Variants in SGCZ observed in about 807,000 individuals in gnomAD.
The protein encoded by SGCZ is zeta-sarcoglycan.
A neutral mutation model predicts 41.3 loss-of-function variants in SGCZ; 40 were observed. The ratio of observed to expected loss-of-function variants is 0.97; its 90% confidence interval spans 0.75 to 1.26. SGCZ has a LOEUF of 1.26. Ranked by LOEUF, SGCZ falls within the 50% of genes most tolerant of loss-of-function variation. The probability of loss-of-function intolerance (pLI) is 0.00; values close to 1 mark genes in which losing one functional copy is unlikely to be tolerated. For synonymous variants in SGCZ, 206 were observed against 137.5 expected (o/e 1.50, Z -3.49); for missense variants, 552 against 369.8 (o/e 1.49, Z -4.04).
At chr8:14,305,257 A>G (rs1167895942) in intron 3 of SGCZ, among the ~76,000 whole-genome samples, 7 of 152,180 alleles carry the variant, frequency 4.6e-5, no homozygotes, top group African/African-American at 1.7e-4. Flanking sequence ...AGGATGAACA[A>G]TGGTTAGCAT....
chr8:15,136,391 T>C (rs955519624), intron 1 of SGCZ, among the ~76,000 whole-genome samples: 6 of 151,864 alleles, frequency 4.0e-5, no homozygotes, highest in African/African-American at 1.5e-4. Flanking sequence ...TCCAGCATAC[T>C]TGATAAGAGG....
intron 1 of SGCZ, among the ~76,000 whole-genome samples, chr8:14,663,148 G>A (rs1242581245): frequency 6.6e-6 from 1 of 152,032 alleles, no homozygotes; most frequent in African/African-American, 2.4e-5. Flanking sequence ...ACAAATTCTT[G>A]AAGGAACAAT....
At chr8:14,942,793 C>G (rs1053077235) in intron 1 of SGCZ, among the ~76,000 whole-genome samples, 1 of 152,048 alleles carries the variant, frequency 6.6e-6, no homozygotes, top group African/African-American at 2.4e-5. Context: ...GCTTTGATAT[C>G]TATATACTGA....
chr8:15,031,466 T>C (rs1585491961), intron 1 of SGCZ, among the ~76,000 whole-genome samples: 1 of 152,224 alleles, frequency 6.6e-6, no homozygotes, highest in Non-Finnish European at 1.5e-5. Flanking sequence ...CTATCAATGA[T>C]AGCTAACATT....
chr8:14,550,959 C>A (rs991162060), intron 2 of SGCZ, among the ~76,000 whole-genome samples: 5 of 151,922 alleles, frequency 3.3e-5, no homozygotes, highest in African/African-American at 1.2e-4. Flanking sequence ...CAACTTTCTT[C>A]CCAATGATCA....
chr8:14,230,101 A>G (rs1241411122), intron 4 of SGCZ, among the ~76,000 whole-genome samples: 1 of 152,154 alleles, frequency 6.6e-6, no homozygotes, highest in Non-Finnish European at 1.5e-5. Context: ...ACATCAAATC[A>G]GATGGCATTT....
At chr8:15,000,418 A>G (rs1802374657) in intron 1 of SGCZ, among the ~76,000 whole-genome samples, 1 of 152,228 alleles carries the variant, frequency 6.6e-6, no homozygotes, top group African/African-American at 2.4e-5. Context: ...AGTAAGGGTT[A>G]TGCGAGTCCT....
At chr8:14,831,548 A>G (rs1802526773) in intron 1 of SGCZ, among the ~76,000 whole-genome samples, 1 of 152,092 alleles carries the variant, frequency 6.6e-6, no homozygotes, top group African/African-American at 2.4e-5. Flanking sequence ...CAACTTTGGG[A>G]AACATGTTCA....
intron 1 of SGCZ, among the ~76,000 whole-genome samples, chr8:14,703,056 C>T (rs1809220670): frequency 6.6e-6 from 1 of 151,894 alleles, no homozygotes; most frequent in African/African-American, 2.4e-5. Flanking sequence ...CCATTATTTT[C>T]CCTCTGGACT....
intron 4 of SGCZ, among the ~76,000 whole-genome samples, chr8:14,195,630 G>A (rs1805243118): frequency 6.6e-6 from 1 of 152,080 alleles, no homozygotes; most frequent in Non-Finnish European, 1.5e-5. Flanking sequence ...ATCAGTGATG[G>A]AGTCAAAATT....
At chr8:15,079,660 T>C (rs1356786891) in intron 1 of SGCZ, among the ~76,000 whole-genome samples, 1 of 152,220 alleles carries the variant, frequency 6.6e-6, no homozygotes, top group African/African-American at 2.4e-5. Flanking sequence ...TCAAATGTAT[T>C]GTTCAAAGGT....
Position 14,272,275 on chromosome 8 carries a change from A to T in SGCZ, c.337-34596T>A, listed in dbSNP as rs539968683. ...CACCTTGGCCTCCCGAAGTGCTGGG[A>T]TTACAGGCGTAAGCCACTGCACCCG... On this transcript the variant is annotated intron_variant, in intron 3 of 7. Transcript: ENST00000382080. 3.9e-4 allele frequency among the ~76,000 whole-genome samples: 59 copies of T among 152,342 alleles called. 1 individual carries two copies. The highest frequency in any genetic ancestry group is 1.4e-3 in the African/African-American group (57 of 41,576).
At chr8:14,406,322 T>A (rs1254983804) in intron 2 of SGCZ, among the ~76,000 whole-genome samples, 1 of 152,130 alleles carries the variant, frequency 6.6e-6, no homozygotes, top group East Asian at 1.9e-4. Context: ...TTCACTTTCT[T>A]ATCAAATTTT....
At chr8:14,699,235 T>A (rs1407760107) in intron 1 of SGCZ, among the ~76,000 whole-genome samples, 1 of 149,568 alleles carries the variant, frequency 6.7e-6, no homozygotes, top group East Asian at 1.9e-4. Flanking sequence ...AAATCTCATA[T>A]ATATATGCAT....
At chr8:14,740,366 C>T (rs1799164965) in intron 1 of SGCZ, among the ~76,000 whole-genome samples, 1 of 151,774 alleles carries the variant, frequency 6.6e-6, no homozygotes, top group South Asian at 2.1e-4. Flanking sequence ...ATCACAGATT[C>T]ATCTGTAGGT....
chr8:14,441,551 G>C (rs1585517914), intron 2 of SGCZ, among the ~76,000 whole-genome samples: 1 of 152,174 alleles, frequency 6.6e-6, no homozygotes, highest in African/African-American at 2.4e-5. Context: ...CTCCAGCCTG[G>C]TGATAGAGCA....
intron 4 of SGCZ, among the ~76,000 whole-genome samples, chr8:14,206,977 C>G (rs1424575678): frequency 1.3e-5 from 2 of 152,132 alleles, no homozygotes; most frequent in African/African-American, 2.4e-5. Flanking sequence ...CCATGGACCC[C>G]TGAGGTTCCG....
chr8:15,198,203 T>C (rs1366782564), intron 1 of SGCZ, among the ~76,000 whole-genome samples: 4 of 151,786 alleles, frequency 2.6e-5, no homozygotes, highest in Admixed American at 1.3e-4. Context: ...AATGTAAAGC[T>C]AAGCAAGTGT....
At chr8:14,827,518 C>G (rs56410928) in intron 1 of SGCZ, among the ~76,000 whole-genome samples, 62 of 152,188 alleles carry the variant, frequency 4.1e-4, no homozygotes, top group African/African-American at 1.5e-3. Context: ...ATCACATTTT[C>G]TAATGTCCCA....
Sources: gnomAD v4.1 joint callset for allele counts (sites outside exome capture counted in the v4.1 genomes callset) on GRCh38, gnomAD v4.1.1 for gene constraint, MANE v1.5 for transcripts, NCBI Gene and HGNC (gene_info 2026-07-23, HGNC 2026-07-21) for gene names.